PDE10A: variants seen among roughly 807,000 people sequenced by gnomAD.
PDE10A encodes the protein phosphodiesterase 10A, also known as cAMP and cAMP-inhibited cGMP 3',5'-cyclic phosphodiesterase 10A.
Under a neutral mutation model 97.7 loss-of-function variants are expected in PDE10A, and 39 were observed. The ratio of observed to expected loss-of-function variants is 0.40; its 90% confidence interval spans 0.31 to 0.52. The LOEUF (loss-of-function observed/expected upper bound fraction) is 0.52, where lower values mean the gene tolerates loss of function less well. Ranked by LOEUF, PDE10A falls within the 20% of genes least tolerant of loss-of-function variation. The probability of loss-of-function intolerance (pLI) is 0.56; values close to 1 mark genes in which losing one functional copy is unlikely to be tolerated. For missense variants in PDE10A, 731 were observed against 1,047.8 expected, an observed-to-expected ratio of 0.70 and a Z score of 4.17; for synonymous variants, 371 against 376.8, an observed-to-expected ratio of 0.98 and a Z score of 0.18.
chr6:165,834,921 C>T (rs1367976330), intron 1 of PDE10A, among the ~76,000 whole-genome samples: 1 of 152,264 alleles, frequency 6.6e-6, no homozygotes, highest in Non-Finnish European at 1.5e-5. Context: ...CGGCTCAGTG[C>T]ACCAGCAGGG....
chr6:165,335,055 A>G (rs892714064), intron 21 of PDE10A, among the ~76,000 whole-genome samples: 1 of 152,186 alleles, frequency 6.6e-6, no homozygotes, highest in Non-Finnish European at 1.5e-5. Flanking sequence ...ATTCACCTAG[A>G]AAAGACTCAC....
intron 2 of PDE10A, among the ~76,000 whole-genome samples, chr6:165,538,911 T>C (rs1426094077): frequency 2.6e-5 from 4 of 152,224 alleles, no homozygotes; most frequent in Non-Finnish European, 5.9e-5. Context: ...GGAAATTTAC[T>C]GTCAAATTTA....
intron 1 of PDE10A, among the ~76,000 whole-genome samples, chr6:165,783,714 T>A (rs1012449276): frequency 6.6e-6 from 1 of 152,160 alleles, no homozygotes; most frequent in Non-Finnish European, 1.5e-5. Context: ...TAGCCCTGTG[T>A]AAGAACTGTG....
At chr6:165,651,359 C>T (rs1439031735) in intron 1 of PDE10A, among the ~76,000 whole-genome samples, 2 of 152,028 alleles carry the variant, frequency 1.3e-5, no homozygotes, top group Non-Finnish European at 2.9e-5. Flanking sequence ...TAGTCATGTC[C>T]AAGAGCTCTT....
chr6:165,428,812 C>T (rs1490717149), intron 9 of PDE10A, 103 bp from the exon 10 acceptor site: 2 of 529,742 alleles, frequency 3.8e-6, no homozygotes, highest in South Asian at 2.9e-5. Context: ...AAATAAAAAA[C>T]CATAAAGATA....
chr6:165,400,632 A>G (rs769971841), intron 13 of PDE10A, among the ~76,000 whole-genome samples: 8 of 152,228 alleles, frequency 5.3e-5, no homozygotes, highest in Non-Finnish European at 8.8e-5. Flanking sequence ...GAGTACAGTC[A>G]CTTTGGTAAA....
intron 1 of PDE10A, among the ~76,000 whole-genome samples, chr6:165,822,995 G>A (rs942682244): frequency 6.6e-6 from 1 of 151,750 alleles, no homozygotes; most frequent in African/African-American, 2.4e-5. Flanking sequence ...CACCACGCCC[G>A]GCTAATTTTC....
intron 5 of PDE10A, among the ~76,000 whole-genome samples, chr6:165,446,149 CAG>C (rs1317641216): frequency 6.6e-6 from 1 of 152,144 alleles, no homozygotes; most frequent in African/African-American, 2.4e-5. Flanking sequence ...AGTCAATATT[CAG>C]AGAGATAATT....
rs757966681 is a variant in PDE10A at position 165,413,704 on chromosome 6, C to T, written c.1890-17G>A. On this transcript the variant is annotated splice_polypyrimidine_tract_variant and intron_variant, in intron 12 of 21. Coordinates refer to ENST00000539869, the MANE Select transcript of PDE10A (RefSeq NM_001385079.1). Reference sequence around the variant, plus strand: ...TCTACTTCTCTGTGGGGTGACAGAACCAAAAATAACAACAACAACAAAAGG... The same window carrying T: ...TCTACTTCTCTGTGGGGTGACAGAATCAAAAATAACAACAACAACAAAAGG... 6.9e-6 allele frequency: 11 copies of T among 1,587,698 alleles called. No individual in the cohort carries two copies. Among genetic ancestry groups the T allele is most frequent in the Admixed American group, 1.7e-5 (1 of 58,116 alleles).
intron 1 of PDE10A, among the ~76,000 whole-genome samples, chr6:165,963,334 CT>C (rs1191435692): frequency 2.0e-5 from 3 of 152,228 alleles, no homozygotes; most frequent in African/African-American, 4.8e-5. Context: ...TTCAAAACCT[CT>C]TTTCCAGCAC....
intron 1 of PDE10A, among the ~76,000 whole-genome samples, chr6:165,807,531 C>A (rs569412883): frequency 1.3e-5 from 2 of 152,220 alleles, no homozygotes; most frequent in Non-Finnish European, 2.9e-5. Flanking sequence ...AGGTTGAGAG[C>A]CTGGGGGCCA....
intron 1 of PDE10A, chr6:165,949,742 AG>A (rs1783893074): frequency 6.6e-6 from 1 of 152,228 alleles, no homozygotes; most frequent in Non-Finnish European, 1.5e-5. Context: ...GTTTAGGAGG[AG>A]GCACAGTACA....
chr6:165,750,634 C>T (rs967733517), intron 1 of PDE10A, among the ~76,000 whole-genome samples: 1 of 152,190 alleles, frequency 6.6e-6, no homozygotes, highest in African/African-American at 2.4e-5. Context: ...CAAAGCACAG[C>T]CTGCACATTT....
intron 2 of PDE10A, among the ~76,000 whole-genome samples, chr6:165,516,175 C>T (rs908313894): frequency 6.6e-6 from 1 of 152,172 alleles, no homozygotes; most frequent in African/African-American, 2.4e-5. Flanking sequence ...CTGGTCAAGG[C>T]CATAGCTCCA....
At chr6:165,974,802 A>G (rs1784800577) in intron 1 of PDE10A, among the ~76,000 whole-genome samples, 1 of 152,190 alleles carries the variant, frequency 6.6e-6, no homozygotes, top group African/African-American at 2.4e-5. Flanking sequence ...AAGGACAGCA[A>G]TGGTGCCACC....
intron 1 of PDE10A, among the ~76,000 whole-genome samples, chr6:165,973,353 C>A (rs1204182951): frequency 6.6e-6 from 1 of 151,194 alleles, no homozygotes; most frequent in Non-Finnish European, 1.5e-5. Flanking sequence ...GCGGAGGTGG[C>A]AGTGAGCCAA....
chr6:165,652,901 C>T (rs796391428), intron 1 of PDE10A, among the ~76,000 whole-genome samples: 4 of 152,290 alleles, frequency 2.6e-5, no homozygotes, highest in South Asian at 4.1e-4. Flanking sequence ...GCATCCAGAA[C>T]GCTCTAAACA....
chr6:165,595,420 A>G (rs957232823), intron 1 of PDE10A, among the ~76,000 whole-genome samples: 3 of 152,264 alleles, frequency 2.0e-5, no homozygotes, highest in African/African-American at 7.2e-5. Context: ...AGAACAATCA[A>G]AATTAAATTA....
At chr6:165,513,065 C>A (rs922289035) in intron 2 of PDE10A, among the ~76,000 whole-genome samples, 4 of 151,932 alleles carry the variant, frequency 2.6e-5, no homozygotes, top group Admixed American at 2.6e-4. Context: ...TAGTGAACTA[C>A]AATTTACTGT....
Sources: allele counts gnomAD v4.1 joint callset (sites outside exome capture counted in the v4.1 genomes callset), GRCh38; gene constraint gnomAD v4.1.1; transcripts MANE v1.5; gene names NCBI Gene and HGNC (gene_info 2026-07-23, HGNC 2026-07-21).